The following NLGN1 variants were observed in gnomAD, a reference collection of about 807,000 sequenced individuals.
NLGN1 encodes the protein neuroligin 1.
A neutral mutation model predicts 65.5 loss-of-function variants in NLGN1; 12 were observed. The ratio of observed to expected loss-of-function variants is 0.18; its 90% confidence interval spans 0.12 to 0.30. NLGN1 has a LOEUF of 0.30. Among genes scored for constraint, NLGN1 ranks in the 10% least tolerant of loss-of-function variants. The pLI, the probability that NLGN1 is intolerant of heterozygous loss-of-function variation, is 1.00. For missense variants in NLGN1, 750 were observed against 1,007.1 expected (o/e 0.74, Z 3.46); for synonymous variants, 350 against 359.5 (o/e 0.97, Z 0.30).
intron 4 of NLGN1, among the ~76,000 whole-genome samples, chr3:173,907,110 T>C (rs1738576939): frequency 6.6e-6 from 1 of 152,108 alleles, no homozygotes; most frequent in Non-Finnish European, 1.5e-5. Flanking sequence ...ACATGAAATA[T>C]CCACATCTTA....
intron 3 of NLGN1, among the ~76,000 whole-genome samples, chr3:173,768,387 T>C (rs960059613): frequency 6.6e-6 from 1 of 152,178 alleles, no homozygotes; most frequent in Non-Finnish European, 1.5e-5. Context: ...AGACAGTTCA[T>C]ACACTCAGTA....
At chr3:174,031,662 A>T (rs943820605) in intron 4 of NLGN1, among the ~76,000 whole-genome samples, 1 of 152,150 alleles carries the variant, frequency 6.6e-6, no homozygotes, top group Non-Finnish European at 1.5e-5. Context: ...AAATTTTAAT[A>T]GAAGGTTTAG....
At chr3:173,457,808 C>T (rs1391735609) in intron 2 of NLGN1, among the ~76,000 whole-genome samples, 1 of 152,032 alleles carries the variant, frequency 6.6e-6, no homozygotes, top group Non-Finnish European at 1.5e-5. Flanking sequence ...AAAGATAATT[C>T]CAGGTCTTTG....
rs539006064 is a variant in NLGN1, at chr3:173,917,939, T to G, written c.646+110107T>G. On this transcript the variant is annotated intron_variant, in intron 4 of 6. Coordinates refer to ENST00000457714, the Ensembl canonical transcript of NLGN1. ...AATCAACAGGCTATGGTTCAAACCA[T>G]TTCACTTCCTTTCAGTTTGTCCATT... is the stretch of plus-strand genomic sequence containing the variant. Among the ~76,000 whole-genome samples, 751 of 152,108 alleles carry G rather than the reference T, an allele frequency of 4.9e-3. 8 individuals are homozygous for G. The highest frequency in any genetic ancestry group is 0.016 in the African/African-American group (647 of 41,450).
intron 2 of NLGN1, among the ~76,000 whole-genome samples, chr3:173,506,514 A>C (rs1176581398): frequency 6.6e-6 from 1 of 152,104 alleles, no homozygotes; most frequent in Non-Finnish European, 1.5e-5. Flanking sequence ...CAGAAAACAC[A>C]AATATTTCAT....
chr3:174,016,558 A>G (rs1001416846), intron 4 of NLGN1, among the ~76,000 whole-genome samples: 3 of 152,212 alleles, frequency 2.0e-5, no homozygotes, highest in African/African-American at 7.2e-5. Flanking sequence ...CCCTCAATGT[A>G]GTAGCATCAG....
chr3:174,056,529 C>G (rs77856879), intron 4 of NLGN1, among the ~76,000 whole-genome samples: 2 of 151,936 alleles, frequency 1.3e-5, no homozygotes, highest in Admixed American at 1.3e-4. Flanking sequence ...CTTTGAATCT[C>G]TCACTGGAGC....
At chr3:173,539,616 TTATA>T (rs1384320951) in intron 2 of NLGN1, among the ~76,000 whole-genome samples, 2 of 69,636 alleles carry the variant, frequency 2.9e-5, no homozygotes, top group Admixed American at 1.6e-4. Flanking sequence ...ATGTTATATA[TTATA>T]TATTTATATA....
downstream of NLGN1, among the ~76,000 whole-genome samples, chr3:174,288,583 A>G (rs1285891317): frequency 1.3e-5 from 2 of 151,126 alleles, no homozygotes; most frequent in African/African-American, 4.9e-5. Context: ...TCCATGAGTT[A>G]TTTTCTCCTG....
chr3:173,935,631 CT>C (rs1744932254), intron 4 of NLGN1, among the ~76,000 whole-genome samples: 3 of 146,428 alleles, frequency 2.0e-5, no homozygotes, highest in Non-Finnish European at 4.6e-5. Context: ...CACTCTCTCT[CT>C]CTCTCTCTCT....
chr3:173,779,884 A>G (rs1053602408), intron 3 of NLGN1, among the ~76,000 whole-genome samples: 9 of 152,112 alleles, frequency 5.9e-5, no homozygotes, highest in African/African-American at 1.7e-4. Context: ...ATCAACTGCT[A>G]TTTTTGCAAG....
intron 3 of NLGN1, among the ~76,000 whole-genome samples, chr3:173,664,027 A>G (rs1761346222): frequency 6.6e-6 from 1 of 151,994 alleles, no homozygotes; most frequent in African/African-American, 2.4e-5. Context: ...TGCTGTCATT[A>G]TATTTATTCT....
intron 4 of NLGN1, among the ~76,000 whole-genome samples, chr3:173,826,439 A>G (rs1721352924): frequency 6.6e-6 from 1 of 152,108 alleles, no homozygotes; most frequent in Non-Finnish European, 1.5e-5. Context: ...GGGAAATAGA[A>G]GGAAACACAT....
intron 4 of NLGN1, among the ~76,000 whole-genome samples, chr3:174,047,462 A>G (rs972385973): frequency 6.6e-6 from 1 of 152,108 alleles, no homozygotes; most frequent in Admixed American, 6.6e-5. Context: ...ATCCAAATCC[A>G]TTACTGAGTT....
chr3:173,825,953 A>G (rs1287109593), intron 4 of NLGN1, among the ~76,000 whole-genome samples: 4 of 152,016 alleles, frequency 2.6e-5, no homozygotes, highest in Non-Finnish European at 5.9e-5. Context: ...CCAAGACTCA[A>G]TTAAAATCGT....
intron 3 of NLGN1, among the ~76,000 whole-genome samples, chr3:173,784,852 A>G (rs753717129): frequency 7.9e-5 from 12 of 152,242 alleles, no homozygotes; most frequent in Non-Finnish European, 1.5e-4. Flanking sequence ...ATAGCAAGTC[A>G]CGCAAATAAG....
intron 4 of NLGN1, among the ~76,000 whole-genome samples, chr3:173,922,463 T>C (rs930376088): frequency 1.6e-4 from 25 of 152,108 alleles, no homozygotes; most frequent in South Asian, 2.1e-4. Flanking sequence ...TCTGAACATA[T>C]TTGTTCACAT....
intron 4 of NLGN1, among the ~76,000 whole-genome samples, chr3:173,947,777 T>G (rs1189997725): frequency 6.6e-6 from 1 of 152,244 alleles, no homozygotes; most frequent in Non-Finnish European, 1.5e-5. Context: ...TAATTATTAT[T>G]GAACTATCAA....
intron 4 of NLGN1, among the ~76,000 whole-genome samples, chr3:173,940,822 G>A (rs1243774436): frequency 6.6e-6 from 1 of 152,110 alleles, no homozygotes; most frequent in African/African-American, 2.4e-5. Flanking sequence ...ATTTGCCTAT[G>A]ACGTATTCTT....
Sources: gnomAD v4.1 joint callset for allele counts (sites outside exome capture counted in the v4.1 genomes callset) on GRCh38, gnomAD v4.1.1 for gene constraint, MANE v1.5 for transcripts, NCBI Gene and HGNC (gene_info 2026-07-23, HGNC 2026-07-21) for gene names.